LIPA: variants seen among roughly 807,000 people sequenced by gnomAD.
LIPA encodes the protein lipase A, lysosomal acid type.
Under a neutral mutation model 40.6 loss-of-function variants are expected in LIPA, and 26 were observed. The ratio of observed to expected loss-of-function variants is 0.64; its 90% CI spans 0.47 to 0.89. LIPA has a LOEUF of 0.89. LIPA is among the 40% of genes least tolerant of loss of function. The pLI is 0.00. For synonymous variants in LIPA, 188 were observed against 168.4 expected (o/e 1.12, Z -0.90); for missense variants, 455 against 479.6 (o/e 0.95, Z 0.48).
At chr10:89,333,764 A>C (rs1473535094) in intron 1 of LIPA, among the ~76,000 whole-genome samples, 1 of 152,246 alleles carries the variant, frequency 6.6e-6, no homozygotes, top group Non-Finnish European at 1.5e-5. Context: ...CCAAAAAGGG[A>C]AGTCTTCCCA....
At chr10:89,400,343 T>C (rs1347687684) in intron 2 of LIPA, among the ~76,000 whole-genome samples, 3 of 152,348 alleles carry the variant, frequency 2.0e-5, no homozygotes, top group South Asian at 2.1e-4. Flanking sequence ...TAGGATTGCA[T>C]TGAATTTGTA....
At chr10:89,375,639 A>C (rs868706601) in intron 2 of LIPA, among the ~76,000 whole-genome samples, 9 of 152,312 alleles carry the variant, frequency 5.9e-5, no homozygotes, top group Middle Eastern at 6.8e-3. Flanking sequence ...TTTGACTAAC[A>C]ATCATTCTTC....
chr10:89,222,369 T>C, intron 8 of LIPA, 142 bp downstream of exon 8: 1 of 715,544 alleles, frequency 1.4e-6, no homozygotes, highest in Non-Finnish European at 2.6e-6. Context: ...ACAAGCACGA[T>C]GACAAAAACC....
chr10:89,406,374 A>C (rs1240943472), intron 2 of LIPA: 1 of 152,258 alleles, frequency 6.6e-6, no homozygotes, highest in African/African-American at 2.4e-5. Context: ...GGTGGGGCCA[A>C]GTAAGGGAAT....
intron 2 of LIPA, among the ~76,000 whole-genome samples, chr10:89,390,869 A>G (rs1454481765): frequency 2.6e-5 from 4 of 152,228 alleles, no homozygotes; most frequent in Admixed American, 2.0e-4. Context: ...TTCCAAAGAC[A>G]TCTTGCTCCC....
rs1347813277 is a variant in LIPA at position 89,413,376 on chromosome 10, C to CT, written c.-71-455dup. ...TTAAATGAGGCACTCGCTTCAGGCA[C>CT]TAAGTTTTGAGGGGTGGGGTGCCAG... On this transcript the variant is annotated intron_variant, in intron 1 of 8. Coordinates refer to the LIPA transcript ENST00000371837. Among the ~76,000 whole-genome samples, 3 of 152,146 alleles carry CT rather than the reference C, an allele frequency of 2.0e-5. No homozygotes were observed. The East Asian group carries it at 5.8e-4, about 29-fold the overall frequency.
chr10:89,275,927 T>C (rs1843287033), intron 1 of LIPA, among the ~76,000 whole-genome samples: 1 of 152,260 alleles, frequency 6.6e-6, no homozygotes, highest in African/African-American at 2.4e-5. Flanking sequence ...GATTATGTTA[T>C]GATTGCATCT....
At chr10:89,238,395 C>A (rs1842929983) in intron 3 of LIPA, among the ~76,000 whole-genome samples, 1 of 152,204 alleles carries the variant, frequency 6.6e-6, no homozygotes, top group Non-Finnish European at 1.5e-5. Flanking sequence ...TTATTCAAGA[C>A]TTCCTTTACA....
chr10:89,329,770 C>A (rs1843631882), intron 1 of LIPA, among the ~76,000 whole-genome samples: 1 of 152,180 alleles, frequency 6.6e-6, no homozygotes, highest in Non-Finnish European at 1.5e-5. Context: ...TTAGTGGTTT[C>A]ATGCAAGTCC....
rs143429774 is a variant in LIPA at position 89,380,519 on chromosome 10, T to C, written c.61+32272A>G. On this transcript the variant is annotated intron_variant, in intron 2 of 8. Coordinates refer to the LIPA transcript ENST00000371837. ...GGCATGATCACAGCTCACTGCAGCCTCCACCTGCCCGGGCTCAGGTGATCC... is the reference window on the plus strand; with the variant it reads ...GGCATGATCACAGCTCACTGCAGCCCCCACCTGCCCGGGCTCAGGTGATCC... 5.3e-5 allele frequency among the ~76,000 whole-genome samples: 8 copies of C among 150,264 alleles called. No homozygotes were observed. In the East Asian group the frequency reaches 1.6e-3, roughly 30 times the overall value.
At chr10:89,351,283 T>A (rs1367055288) in intron 2 of LIPA, among the ~76,000 whole-genome samples, 1 of 152,188 alleles carries the variant, frequency 6.6e-6, no homozygotes, top group Admixed American at 6.5e-5. Flanking sequence ...GCCACTGCAC[T>A]CCAGCCTGGG....
chr10:89,323,704 A>AGCT (rs2133534058), intron 1 of LIPA, among the ~76,000 whole-genome samples: 1 of 152,310 alleles, frequency 6.6e-6, no homozygotes, highest in Admixed American at 6.5e-5. Context: ...AAAAGAATAA[A>AGCT]ATACCTAGAA....
intron 1 of LIPA, chr10:89,339,720 T>C: frequency 2.5e-6 from 4 of 1,614,212 alleles, no homozygotes; most frequent in Non-Finnish European, 3.4e-6. Flanking sequence ...TCCCTGATGC[T>C]GAAAAGCAAC....
intron 3 of LIPA, among the ~76,000 whole-genome samples, chr10:89,236,643 TAA>T (rs1319716608): frequency 6.6e-6 from 1 of 152,110 alleles, no homozygotes; most frequent in Non-Finnish European, 1.5e-5. Flanking sequence ...AAATGACACA[TAA>T]AGATGACTGT....
intron 1 of LIPA, among the ~76,000 whole-genome samples, chr10:89,261,538 T>A (rs7899993): frequency 0.74 from 112,203 of 152,070 alleles, 42,526 homozygotes; most frequent in East Asian, 0.97. Context: ...AATTAAAATT[T>A]AAAAAATCAG....
Position 89,373,476 on chromosome 10 carries a change from G to A in LIPA, c.61+39315C>T, listed in dbSNP as rs140314015. ...TTTCAGAGCAGAGAAGTTCCTAGTA[G>A]CTGAGTATTTTCTCTGTGGACATGA... On this transcript the variant is annotated intron_variant, in intron 2 of 8. Coordinates refer to the LIPA transcript ENST00000371837. Among the ~76,000 whole-genome samples, 259 of 152,166 alleles carry A rather than the reference G, an allele frequency of 1.7e-3. 5 individuals carry two copies. The East Asian group carries it at 0.042, about 25-fold the overall frequency.
At chr10:89,382,414 C>T (rs1430551411) in intron 2 of LIPA, among the ~76,000 whole-genome samples, 1 of 152,206 alleles carries the variant, frequency 6.6e-6, no homozygotes, top group East Asian at 1.9e-4. Flanking sequence ...TATAGGGAGA[C>T]TAGGACTTCA....
intron 1 of LIPA, among the ~76,000 whole-genome samples, chr10:89,337,116 G>T (rs945925377): frequency 6.6e-6 from 1 of 152,114 alleles, no homozygotes; most frequent in Non-Finnish European, 1.5e-5. Context: ...AGCCTCCGTG[G>T]GTCTGTTTGT....
At chr10:89,393,034 C>A in intron 2 of LIPA, 2 of 828,382 alleles carry the variant, frequency 2.4e-6, no homozygotes, top group Non-Finnish European at 3.4e-6. Flanking sequence ...GATTCTTTCC[C>A]ATCAGATTCA....
Sources: gnomAD v4.1 joint callset for allele counts (sites outside exome capture counted in the v4.1 genomes callset) on GRCh38, gnomAD v4.1.1 for gene constraint, MANE v1.5 for transcripts, NCBI Gene and HGNC (gene_info 2026-07-23, HGNC 2026-07-21) for gene names.